The following HS3ST5 variants were observed in gnomAD, a reference collection of about 807,000 sequenced individuals.
HS3ST5 encodes heparan sulfate glucosamine 3-O-sulfotransferase 5.
Under a neutral mutation model 25.4 loss-of-function variants are expected in HS3ST5, and 10 were observed. The observed-to-expected ratio is 0.39, with a 90% CI of 0.24 to 0.67. HS3ST5 has a LOEUF of 0.67. Ranked by LOEUF, HS3ST5 falls within the 30% of genes least tolerant of loss-of-function variation. The pLI, the probability that HS3ST5 is intolerant of heterozygous loss-of-function variation, is 0.44. For synonymous variants in HS3ST5, 170 were observed against 162.4 expected (o/e 1.05, Z -0.36); for missense variants, 324 against 420.7 (o/e 0.77, Z 2.01).
intron 2 of HS3ST5, among the ~76,000 whole-genome samples, chr6:114,193,033 T>C (rs1780577146): frequency 6.6e-6 from 1 of 152,238 alleles, no homozygotes; most frequent in Non-Finnish European, 1.5e-5. Flanking sequence ...CTGTGGGATT[T>C]TTTTCTTCTT....
At chr6:114,172,271 GT>G (rs1479154094) in intron 2 of HS3ST5, among the ~76,000 whole-genome samples, 2 of 152,142 alleles carry the variant, frequency 1.3e-5, no homozygotes, top group Admixed American at 6.6e-5. Flanking sequence ...ATCTGTTTCT[GT>G]TTCTTCCAAT....
At chr6:114,073,957 C>T (rs942791695) in intron 3 of HS3ST5, among the ~76,000 whole-genome samples, 1 of 152,096 alleles carries the variant, frequency 6.6e-6, no homozygotes, top group Non-Finnish European at 1.5e-5. Flanking sequence ...CATGGAATAT[C>T]ATGCAGCCAT....
At chr6:114,062,135 G>A (rs148477763) in intron 4 of HS3ST5, among the ~76,000 whole-genome samples, 173 of 152,202 alleles carry the variant, frequency 1.1e-3, no homozygotes, top group African/African-American at 3.9e-3. Flanking sequence ...CTAAACCCTA[G>A]CACTGTAATT....
intron 3 of HS3ST5, among the ~76,000 whole-genome samples, chr6:114,096,806 G>A (rs1419086483): frequency 6.6e-6 from 1 of 151,862 alleles, no homozygotes; most frequent in Admixed American, 6.6e-5. Context: ...TCACAGCAGG[G>A]GTAATAGAAT....
intron 3 of HS3ST5, among the ~76,000 whole-genome samples, chr6:114,135,171 C>T (rs299412): frequency 0.85 from 129,840 of 152,204 alleles, 55,528 homozygotes; most frequent in Admixed American, 0.88. Context: ...TACCTGCAGG[C>T]TGCAGAGGTC....
intron 3 of HS3ST5, among the ~76,000 whole-genome samples, chr6:114,070,388 A>G (rs1773742279): frequency 6.6e-6 from 1 of 152,146 alleles, no homozygotes; most frequent in Admixed American, 6.5e-5. Flanking sequence ...ATAAGTAATG[A>G]TAGTAGCAAT....
intron 1 of HS3ST5, among the ~76,000 whole-genome samples, chr6:114,231,121 T>C (rs1357177457): frequency 2.0e-5 from 3 of 152,150 alleles, no homozygotes; most frequent in Non-Finnish European, 2.9e-5. Context: ...GGTACTGTTC[T>C]TGTGATAGTT....
chr6:114,154,279 A>C (rs1468042232), intron 3 of HS3ST5, among the ~76,000 whole-genome samples: 1 of 152,150 alleles, frequency 6.6e-6, no homozygotes, highest in Non-Finnish European at 1.5e-5. Context: ...GAGTGAAAGC[A>C]TGCTTATTTT....
At chr6:114,157,604 G>C (rs1778758712) in intron 3 of HS3ST5, among the ~76,000 whole-genome samples, 1 of 152,094 alleles carries the variant, frequency 6.6e-6, no homozygotes, top group African/African-American at 2.4e-5. Flanking sequence ...TAAATGATAA[G>C]TATGTGAGGT....
intron 1 of HS3ST5, among the ~76,000 whole-genome samples, chr6:114,287,682 A>G (rs527624387): frequency 6.6e-6 from 1 of 152,138 alleles, no homozygotes; most frequent in Admixed American, 6.6e-5. Context: ...GCCTGAAACA[A>G]AGAACACTCT....
chr6:114,230,102 C>T (rs1428187231), intron 1 of HS3ST5: 9 of 140,200 alleles, frequency 6.4e-5, no homozygotes, highest in Admixed American at 4.4e-4. Flanking sequence ...AGCCTTCATT[C>T]TGACAGAGGT....
chr6:114,149,572 G>A (rs1250859701), intron 3 of HS3ST5, among the ~76,000 whole-genome samples: 1 of 152,012 alleles, frequency 6.6e-6, no homozygotes, highest in Non-Finnish European at 1.5e-5. Flanking sequence ...CACACACTGG[G>A]GCCTGTTGGC....
At chr6:114,113,581 A>C (rs1489187984) in intron 3 of HS3ST5, among the ~76,000 whole-genome samples, 1 of 151,888 alleles carries the variant, frequency 6.6e-6, no homozygotes, top group Non-Finnish European at 1.5e-5. Flanking sequence ...TTCTAAGAAG[A>C]CTTCATTAAT....
At chr6:114,306,465 T>A (rs1029561226) in intron 1 of HS3ST5, among the ~76,000 whole-genome samples, 2 of 151,502 alleles carry the variant, frequency 1.3e-5, no homozygotes, top group Non-Finnish European at 2.9e-5. Context: ...AGAATATATC[T>A]CAGAGCCAAT....
chr6:114,221,024 G>A (rs530481868), intron 2 of HS3ST5, among the ~76,000 whole-genome samples: 1 of 152,100 alleles, frequency 6.6e-6, no homozygotes, highest in East Asian at 1.9e-4. Context: ...TAAAAGAATA[G>A]GTTTCCTTTC....
intron 1 of HS3ST5, among the ~76,000 whole-genome samples, chr6:114,331,478 C>A (rs1776393527): frequency 6.6e-6 from 1 of 152,006 alleles, no homozygotes; most frequent in Non-Finnish European, 1.5e-5. Flanking sequence ...TATTTAATTA[C>A]TACTTTGTTT....
chr6:114,153,915 C>T (rs1266553770), intron 3 of HS3ST5, among the ~76,000 whole-genome samples: 1 of 152,200 alleles, frequency 6.6e-6, no homozygotes, highest in Non-Finnish European at 1.5e-5. Flanking sequence ...TCGCTGTTCA[C>T]GTCCCTTCAA....
chr6:114,216,645 A>C (rs954671468), intron 2 of HS3ST5, among the ~76,000 whole-genome samples: 2 of 150,764 alleles, frequency 1.3e-5, no homozygotes, highest in African/African-American at 4.9e-5. Flanking sequence ...ATTCCATCAA[A>C]ATGGTTTCTG....
At chr6:114,096,904 T>G (rs1246282060) in intron 3 of HS3ST5, among the ~76,000 whole-genome samples, 1 of 152,092 alleles carries the variant, frequency 6.6e-6, no homozygotes, top group Non-Finnish European at 1.5e-5. Context: ...AAATGGAACT[T>G]TATTATTTTA....
Sources: gnomAD v4.1 joint callset for allele counts (sites outside exome capture counted in the v4.1 genomes callset) on GRCh38, gnomAD v4.1.1 for gene constraint, MANE v1.5 for transcripts, NCBI Gene and HGNC (gene_info 2026-07-23, HGNC 2026-07-21) for gene names.